Variants in NSFL1C observed in about 807,000 individuals in gnomAD.
NSFL1C encodes the protein NSFL1 cofactor p47.
NSFL1C carries 14 observed loss-of-function variants against 43.1 expected under a neutral mutation model. The ratio of observed to expected loss-of-function variants is 0.32; its 90% CI spans 0.21 to 0.51. The LOEUF is 0.51. Ranked by LOEUF, NSFL1C falls within the 20% of genes least tolerant of loss-of-function variation. The pLI is 0.98. For synonymous variants in NSFL1C, 171 were observed against 183.5 expected, an observed-to-expected ratio of 0.93 and a Z score of 0.55; for missense variants, 406 against 472.5, an observed-to-expected ratio of 0.86 and a Z score of 1.30.
At chr20:1,446,978 T>A (rs566652381) in intron 7 of NSFL1C, among the ~76,000 whole-genome samples, 1 of 152,328 alleles carries the variant, frequency 6.6e-6, no homozygotes, top group Non-Finnish European at 1.5e-5. Context: ...CATATTACAC[T>A]AGCAGCTTCA....
rs201928185 is a variant in NSFL1C at position 1,453,545 on chromosome 20, T to A, written c.538-405A>T. ...TAAAAATGTTATCTACAAGTTCTGT[T>A]CACAACAACTCCCACACACATTCAC... On this transcript the variant is annotated intron_variant, in intron 5 of 8. Coordinates refer to ENST00000216879, the MANE Select transcript of NSFL1C (RefSeq NM_016143.5). 1.2e-4 allele frequency among the ~76,000 whole-genome samples: 18 copies of A among 152,284 alleles called. No homozygotes were observed. In the East Asian group the frequency reaches 3.5e-3, roughly 29 times the overall value.
In NSFL1C at chr20:1,443,967, C is replaced by A. The variant is rs962374869; in HGVS notation, c.951-56G>T. The A allele has an allele frequency of 2.6e-6, 4 of 1,547,944 alleles. No individual in the cohort carries two copies. The African/African-American group carries it at 5.4e-5, about 21-fold the overall frequency. On this transcript the variant is annotated intron_variant, in intron 8 of 8. Transcript: ENST00000216879. ...CCATCCTCTGCTGTCCATACCCCTGCCCTGTGGAAAGCTAAACACCTCGCA... is the reference window on the plus strand; with the variant it reads ...CCATCCTCTGCTGTCCATACCCCTGACCTGTGGAAAGCTAAACACCTCGCA...
intron 1 of NSFL1C, among the ~76,000 whole-genome samples, chr20:1,464,668 T>G (rs557567272): frequency 1.3e-5 from 2 of 152,216 alleles, no homozygotes; most frequent in Non-Finnish European, 2.9e-5. Context: ...AAGACACTCT[T>G]TATTCTCATT....
At position 1,456,117 on chromosome 20, in the gene NSFL1C, C is replaced by T. The variant is rs1218764926; in HGVS notation, c.279-985G>A. The T allele has an allele frequency of 2.0e-5, 4 of 201,098 alleles. No individual in the cohort carries two copies. In the South Asian group the frequency reaches 2.5e-4, roughly 13 times the overall value. 12.5% of individuals were successfully genotyped at this position (201,098 alleles called of 1,614,324 possible). A position where few individuals can be genotyped will look rare whatever the true frequency, so the allele number is the denominator to read the frequency against. On this transcript the variant is annotated intron_variant, in intron 3 of 8. Coordinates refer to ENST00000216879, the MANE Select transcript of NSFL1C (RefSeq NM_016143.5). ...GAGAACCTATAAAAATTAGTCTCAG[C>T]CCTCTATTTCCTGACATTCACCAGG...
chr20:1,457,395 T>C (rs2090323882), intron 3 of NSFL1C, among the ~76,000 whole-genome samples: 1 of 152,250 alleles, frequency 6.6e-6, no homozygotes, highest in African/African-American at 2.4e-5. Flanking sequence ...TAAATCAAGC[T>C]AGTTAGCATA....
At chr20:1,453,541 C>G (rs1322843024) in intron 5 of NSFL1C, among the ~76,000 whole-genome samples, 1 of 152,224 alleles carries the variant, frequency 6.6e-6, no homozygotes, top group African/African-American at 2.4e-5. Flanking sequence ...TCTACAAGTT[C>G]TGTTCACAAC....
At chr20:1,464,253 G>A in intron 2 of NSFL1C, 76 bp downstream of exon 2, 2 of 1,322,730 alleles carry the variant, frequency 1.5e-6, no homozygotes, top group South Asian at 2.4e-5. Context: ...ACCCAGGCCT[G>A]AACGCTCTGG....
intron 4 of NSFL1C, 81 bp from the exon 5 acceptor site, chr20:1,454,386 T>G (rs566468467): frequency 1.0e-5 from 10 of 971,744 alleles, no homozygotes; most frequent in African/African-American, 3.2e-5. Flanking sequence ...ATATATATCT[T>G]AGGTAAGAGG....
chr20:1,445,518 T>G, intron 8 of NSFL1C, 148 bp downstream of exon 8: 1 of 857,284 alleles, frequency 1.2e-6, no homozygotes, highest in Non-Finnish European at 1.8e-6. Context: ...TTCAGACTTG[T>G]AGTCCTTACC....
At chr20:1,452,284 G>A (rs1007539955) in intron 7 of NSFL1C, among the ~76,000 whole-genome samples, 2 of 152,174 alleles carry the variant, frequency 1.3e-5, no homozygotes, top group African/African-American at 4.8e-5. Context: ...ATAGTCCAAG[G>A]TCACACTGCT....
chr20:1,453,150 C>A lies in NSFL1C; in HGVS notation c.538-10G>T, dbSNP rs1371554626. The A allele has an allele frequency of 1.3e-6, 2 of 1,483,068 alleles. No homozygotes were observed. The highest frequency in any genetic ancestry group is 2.8e-5 in the African/African-American group (2 of 72,260). 91.9% of individuals were successfully genotyped at this position (1,483,068 alleles called of 1,614,324 possible). On this transcript the variant is annotated splice_polypyrimidine_tract_variant and intron_variant, in intron 5 of 8. Transcript: ENST00000216879. ...TCAATACTACATGAACCTGTGATGA[C>A]AGGGAGTAAACAGTTACCAGGGATC...
At position 1,450,833 on chromosome 20, in the gene NSFL1C, T is replaced by C. The variant is rs116328302; in HGVS notation, c.785+1660A>G. Among the ~76,000 whole-genome samples, 1,187 of 152,340 alleles carry C rather than the reference T, an allele frequency of 7.8e-3. 11 individuals are homozygous for C. The highest frequency in any genetic ancestry group is 0.027 in the African/African-American group (1,115 of 41,574). ...GTTTAACAGCAAGGACTGGTTAAATTATGGCACATTTATGGGCTAGAAAAT... is the reference window on the plus strand; with the variant it reads ...GTTTAACAGCAAGGACTGGTTAAATCATGGCACATTTATGGGCTAGAAAAT... On this transcript the variant is annotated intron_variant, in intron 7 of 8. Transcript: ENST00000216879.
rs188422966 is a variant in NSFL1C, at chr20:1,454,835, G to C, written c.444+132C>G. 6.0e-4 allele frequency: 565 copies of C among 942,730 alleles called. 1 individual carries two copies. The South Asian group carries it at 6.6e-3, about 11-fold the overall frequency. 58.4% of individuals were successfully genotyped at this position (942,730 alleles called of 1,614,324 possible). On this transcript the variant is annotated intron_variant, in intron 4 of 8. Transcript: ENST00000216879. Reference sequence around the variant, plus strand: ...TTAAAGGGTGAGATAAACTACACTCGTGTTCCGCACAGAAGACCAAGTAAG... The same window carrying C: ...TTAAAGGGTGAGATAAACTACACTCCTGTTCCGCACAGAAGACCAAGTAAG...
At chr20:1,450,451 T>A (rs1397538987) in intron 7 of NSFL1C, among the ~76,000 whole-genome samples, 1 of 152,230 alleles carries the variant, frequency 6.6e-6, no homozygotes, top group Non-Finnish European at 1.5e-5. Context: ...TCAAGTTCTA[T>A]CTTGTGCTCA....
At chr20:1,459,668 A>G (rs1315366510) in intron 2 of NSFL1C, among the ~76,000 whole-genome samples, 1 of 152,192 alleles carries the variant, frequency 6.6e-6, no homozygotes, top group Non-Finnish European at 1.5e-5. Context: ...AAACCAATCA[A>G]TGTAGCAAAC....
At chr20:1,447,279 T>C (rs2090079425) in intron 7 of NSFL1C, among the ~76,000 whole-genome samples, 1 of 152,118 alleles carries the variant, frequency 6.6e-6, no homozygotes, top group Admixed American at 6.5e-5. Flanking sequence ...TTGGAAATAG[T>C]GAATAGGTAA....
intron 7 of NSFL1C, among the ~76,000 whole-genome samples, chr20:1,446,505 A>C (rs1364407475): frequency 6.6e-6 from 1 of 152,132 alleles, no homozygotes; most frequent in Non-Finnish European, 1.5e-5. Flanking sequence ...ACAGTGTTAG[A>C]TTTCATATCT....
chr20:1,447,554 A>T (rs1336116025), intron 7 of NSFL1C, among the ~76,000 whole-genome samples: 1 of 151,984 alleles, frequency 6.6e-6, no homozygotes, highest in Non-Finnish European at 1.5e-5. Context: ...GACATTCCTG[A>T]TCTACACTAT....
At chr20:1,457,481 A>G (rs2090325518) in intron 3 of NSFL1C, among the ~76,000 whole-genome samples, 1 of 152,194 alleles carries the variant, frequency 6.6e-6, no homozygotes. Context: ...GAAATGTACA[A>G]TGCTGTTTTA....
Sources: gnomAD v4.1 joint callset for allele counts (sites outside exome capture counted in the v4.1 genomes callset) on GRCh38, gnomAD v4.1.1 for gene constraint, MANE v1.5 for transcripts, NCBI Gene and HGNC (gene_info 2026-07-23, HGNC 2026-07-21) for gene names.